CLASP1: variants seen among roughly 807,000 people sequenced by gnomAD.
CLASP1 encodes CLIP-associating protein 1.
CLASP1 carries 38 observed loss-of-function variants against 192.3 expected under a neutral mutation model. The observed-to-expected ratio is 0.20, with a 90% CI of 0.15 to 0.26. The LOEUF is 0.26. Among genes scored for constraint, CLASP1 ranks in the 10% least tolerant of loss-of-function variants. CLASP1 has a pLI of 1.00. For missense variants in CLASP1, 1,433 were observed against 1,932.5 expected (o/e 0.74, Z 4.85); for synonymous variants, 691 against 712.8 (o/e 0.97, Z 0.49).
chr2:121,540,785 C>CA (rs796543798), intron 2 of CLASP1, among the ~76,000 whole-genome samples: 209 of 85,312 alleles, frequency 2.4e-3, no homozygotes, highest in East Asian at 3.7e-3. Flanking sequence ...AGACTCCATC[C>CA]AAAAAAAAAA....
At chr2:121,452,291 T>C (rs2085647621) in intron 14 of CLASP1, among the ~76,000 whole-genome samples, 1 of 152,214 alleles carries the variant, frequency 6.6e-6, no homozygotes, top group Non-Finnish European at 1.5e-5. Flanking sequence ...AAAAACTAAG[T>C]GCTCTCCATA....
At position 121,477,726 on chromosome 2, in the gene CLASP1, TATTGA is replaced by T. The variant is rs546138499; in HGVS notation, c.713-7771_713-7767del. On this transcript the variant is annotated intron_variant, in intron 8 of 39. Transcript: ENST00000263710. ...ATTTAATCAATCATCTATTTATTGA[TATTGA>T]ATTGTTTTCAATTTTTCACCTTCAT... Among the ~76,000 whole-genome samples the T allele has an allele frequency of 1.5e-3, 228 of 152,356 alleles. 1 individual carries two copies. Among genetic ancestry groups the T allele is most frequent in the African/African-American group, 5.4e-3 (223 of 41,584 alleles).
chr2:121,466,321 CT>C (rs2149929467), intron 9 of CLASP1, among the ~76,000 whole-genome samples: 3 of 152,238 alleles, frequency 2.0e-5, no homozygotes, highest in African/African-American at 7.2e-5. Context: ...ATTAACATTC[CT>C]ACAGCTCCTC....
intron 26 of CLASP1, 123 bp downstream of exon 27, chr2:121,404,248 G>A (rs567128770): frequency 8.2e-6 from 12 of 1,455,752 alleles, no homozygotes; most frequent in East Asian, 7.7e-5. Flanking sequence ...TGCTGAAACC[G>A]GTGTGACTCT....
chr2:121,603,764 C>T (rs72972757), intron 2 of CLASP1, among the ~76,000 whole-genome samples: 1 of 152,146 alleles, frequency 6.6e-6, no homozygotes, highest in South Asian at 2.1e-4. Flanking sequence ...CCGTCCTTCA[C>T]AGCAACATGG....
intron 1 of CLASP1, among the ~76,000 whole-genome samples, chr2:121,621,845 GTTGT>G (rs956793438): frequency 1.3e-5 from 2 of 151,932 alleles, no homozygotes; most frequent in African/African-American, 4.8e-5. Context: ...GGGTTTTTTT[GTTGT>G]TTGTTTGTTT....
intron 8 of CLASP1, chr2:121,490,358 G>C (rs376283415): frequency 2.3e-6 from 1 of 439,114 alleles, no homozygotes; most frequent in African/African-American, 2.0e-5. Context: ...AGCAACTTAA[G>C]CATCAGCAAA....
chr2:121,528,128 A>T (rs2094626615), intron 4 of CLASP1, among the ~76,000 whole-genome samples: 1 of 152,242 alleles, frequency 6.6e-6, no homozygotes, highest in Non-Finnish European at 1.5e-5. Context: ...TTCTCCCAAG[A>T]ACCCTGAAAG....
intron 7 of CLASP1, among the ~76,000 whole-genome samples, chr2:121,514,709 G>A (rs1415680263): frequency 1.3e-5 from 2 of 152,168 alleles, no homozygotes; most frequent in African/African-American, 2.4e-5. Flanking sequence ...GCCCACTGCC[G>A]TCATGTTTGC....
chr2:121,635,540 C>T (rs1389706911), intron 1 of CLASP1, among the ~76,000 whole-genome samples: 1 of 152,168 alleles, frequency 6.6e-6, no homozygotes, highest in East Asian at 1.9e-4. Flanking sequence ...CCTTCACTGA[C>T]ATCTGGACTA....
At chr2:121,354,110 C>T (rs952827392) in intron 37 of CLASP1, among the ~76,000 whole-genome samples, 23 of 152,296 alleles carry the variant, frequency 1.5e-4, no homozygotes, top group Admixed American at 9.2e-4. Flanking sequence ...TCATGACTCA[C>T]AAAGTCACAT....
intron 39 of CLASP1, among the ~76,000 whole-genome samples, chr2:121,344,643 C>T (rs1006994679): frequency 6.6e-6 from 1 of 151,948 alleles, no homozygotes; most frequent in African/African-American, 2.4e-5. Context: ...TTATTAACTT[C>T]ATTTAAGCAA....
chr2:121,552,289 T>C (rs1464472803), intron 2 of CLASP1, among the ~76,000 whole-genome samples: 1 of 152,192 alleles, frequency 6.6e-6, no homozygotes, highest in Admixed American at 6.5e-5. Context: ...GGGCAAAGTT[T>C]TCATGACAAA....
intron 1 of CLASP1, among the ~76,000 whole-genome samples, chr2:121,621,743 T>C (rs2067387816): frequency 6.6e-6 from 1 of 152,294 alleles, no homozygotes; most frequent in South Asian, 2.1e-4. Flanking sequence ...GTCCTCCAAC[T>C]TTTTTTCAAG....
chr2:121,552,029 A>G (rs2058091614), intron 2 of CLASP1, among the ~76,000 whole-genome samples: 1 of 152,216 alleles, frequency 6.6e-6, no homozygotes, highest in African/African-American at 2.4e-5. Flanking sequence ...AAAGCCCAGA[A>G]ATAGGCTGCA....
At chr2:121,347,177 G>A (rs1177770485) in intron 38 of CLASP1, 23 bp from the exon 40 acceptor site, 10 of 1,463,852 alleles carry the variant, frequency 6.8e-6, no homozygotes, top group East Asian at 2.4e-5. Context: ...AAGGGAACAC[G>A]AAAAGGAAAC....
chr2:121,342,768 C>T (rs2062943776), intron 39 of CLASP1, among the ~76,000 whole-genome samples: 4 of 152,090 alleles, frequency 2.6e-5, no homozygotes, highest in Admixed American at 2.6e-4. Flanking sequence ...GAGACCCTAT[C>T]TCTACAAAAA....
chr2:121,641,484 C>T (rs1013800099), intron 1 of CLASP1, among the ~76,000 whole-genome samples: 2 of 152,148 alleles, frequency 1.3e-5, no homozygotes, highest in Non-Finnish European at 2.9e-5. Context: ...TGGACAACTA[C>T]AACAATCTGT....
chr2:121,615,034 G>C (rs577369360), intron 1 of CLASP1, among the ~76,000 whole-genome samples: 2 of 152,220 alleles, frequency 1.3e-5, no homozygotes, highest in Non-Finnish European at 2.9e-5. Context: ...AATGTGGCTA[G>C]GATGTGCATT....
Sources: allele counts gnomAD v4.1 joint callset (sites outside exome capture counted in the v4.1 genomes callset), GRCh38; gene constraint gnomAD v4.1.1; transcripts MANE v1.5; gene names NCBI Gene and HGNC (gene_info 2026-07-23, HGNC 2026-07-21).